Variants in SLC44A2 observed in about 807,000 individuals in gnomAD.
SLC44A2 encodes solute carrier family 44 member 2 (CTL2 blood group), also known as choline transporter-like protein 2.
In SLC44A2, 57 loss-of-function variants were observed where a neutral mutation model predicts 90.8. The ratio of observed to expected loss-of-function variants is 0.63; its 90% confidence interval spans 0.51 to 0.78. SLC44A2 has a LOEUF of 0.78. Among genes scored for constraint, SLC44A2 ranks in the 30% least tolerant of loss-of-function variants. The probability of loss-of-function intolerance (pLI) is 0.00; values close to 1 mark genes in which losing one functional copy is unlikely to be tolerated. For missense variants in SLC44A2, 794 were observed against 919.7 expected, an observed-to-expected ratio of 0.86 and a Z score of 1.77; for synonymous variants, 355 against 360.7, an observed-to-expected ratio of 0.98 and a Z score of 0.18.
At chr19:10,612,991 C>T (rs751279235) in intron 1 of SLC44A2, among the ~76,000 whole-genome samples, 5 of 152,124 alleles carry the variant, frequency 3.3e-5, no homozygotes, top group Admixed American at 1.3e-4. Context: ...TCAGTGTGCC[C>T]GTCGTGAAAT....
chr19:10,632,201 A>G (rs1001584506), intron 10 of SLC44A2, 45 bp downstream of exon 10: 3 of 1,526,098 alleles, frequency 2.0e-6, no homozygotes, highest in South Asian at 1.1e-5. Context: ...GAATCCGCAC[A>G]CTGCCCTGCC....
intron 1 of SLC44A2, among the ~76,000 whole-genome samples, chr19:10,616,445 G>T (rs1487525118): frequency 1.3e-5 from 2 of 151,846 alleles, no homozygotes; most frequent in South Asian, 2.1e-4. Context: ...TTAGAGACGA[G>T]GTCTTGCCTG....
At chr19:10,642,835 C>T in intron 21 of SLC44A2, 4 of 1,508,326 alleles carry the variant, frequency 2.7e-6, no homozygotes, top group African/African-American at 1.4e-5. Flanking sequence ...TCCCTGCCTC[C>T]CTCTTTCCCT....
intron 1 of SLC44A2, among the ~76,000 whole-genome samples, chr19:10,613,678 C>A (rs559816266): frequency 6.6e-6 from 1 of 152,186 alleles, no homozygotes; most frequent in African/African-American, 2.4e-5. Context: ...GAGACCCCGT[C>A]TCTTTAAGAA....
intron 10 of SLC44A2, among the ~76,000 whole-genome samples, chr19:10,634,137 ATTTTTTT>A (rs1177075276): frequency 3.1e-4 from 25 of 80,314 alleles, no homozygotes; most frequent in African/African-American, 4.2e-4. Context: ...CGCCCAGCTA[ATTTTTTT>A]TTTTTTTTTT....
At position 10,614,841 on chromosome 19, in the gene SLC44A2, C is replaced by T. The variant is rs559078578; in HGVS notation, c.32-11412C>T. Among the ~76,000 whole-genome samples the T allele has an allele frequency of 7.8e-4, 118 of 151,478 alleles. 1 individual carries two copies. The highest frequency in any genetic ancestry group is 1.5e-3 in the Non-Finnish European group (101 of 67,860). On this transcript the variant is annotated intron_variant, in intron 1 of 21. Transcript: ENST00000407327. ...CAAAAATTAGCCGGACATGGTGGTGCGTGCCTGTAATCCCAGGTACTTGGG... is the reference window on the plus strand; with the variant it reads ...CAAAAATTAGCCGGACATGGTGGTGTGTGCCTGTAATCCCAGGTACTTGGG...
chr19:10,616,710 C>G (rs1482576796), intron 1 of SLC44A2, among the ~76,000 whole-genome samples: 3 of 151,652 alleles, frequency 2.0e-5, no homozygotes, highest in African/African-American at 7.3e-5. Flanking sequence ...ACTAAAAATA[C>G]AAAAACTAGC....
intron 1 of SLC44A2, among the ~76,000 whole-genome samples, 178 bp downstream of exon 1, chr19:10,625,848 G>T (rs1425075625): frequency 6.6e-6 from 1 of 151,876 alleles, no homozygotes; most frequent in Non-Finnish European, 1.5e-5. Flanking sequence ...CCGCAGCCTC[G>T]CAGACGACCC....
chr19:10,617,338 G>A (rs1350813000), intron 1 of SLC44A2, among the ~76,000 whole-genome samples: 3 of 151,892 alleles, frequency 2.0e-5, no homozygotes, highest in Non-Finnish European at 4.4e-5. Flanking sequence ...CCCTCCCTTC[G>A]TCCCCACCCA....
chr19:10,627,991 G>A lies in SLC44A2; in HGVS notation c.232G>A (p.Gly78Ser). The A allele has an allele frequency of 6.2e-7, 1 of 1,613,310 alleles. No individual in the cohort carries two copies. Among genetic ancestry groups the A allele is most frequent in the Non-Finnish European group, 8.5e-7 (1 of 1,179,648 alleles). The change falls in exon 4 of 22, where the codon GGC becomes AGC. Residue 78 changes from glycine to serine, a missense_variant. Physicochemically the swap from Gly to Ser is moderately conservative, Grantham distance 56. Around this residue, in one of 3 missense-constraint regions of SLC44A2, gnomAD observed 738 missense variants for 841.1 expected, o/e 0.88. Transcript: ENST00000335757. ...CCGGGGCGAGTTCTGCGGGCAGAAG[G>A]GCACAAAAAACGAGTGAGTTGACTC... ...DSRGEFCGQK[G>S]TKNENKPYLF...
intron 1 of SLC44A2, among the ~76,000 whole-genome samples, chr19:10,618,980 T>G (rs1380838014): frequency 8.2e-5 from 12 of 146,920 alleles, no homozygotes; most frequent in Non-Finnish European, 1.4e-4. Context: ...TTTTTTTTTT[T>G]TGGATACAGG....
intron 19 of SLC44A2, 64 bp from the exon 20 acceptor site, chr19:10,638,160 ATCT>A: frequency 1.2e-6 from 2 of 1,612,294 alleles, no homozygotes; most frequent in Non-Finnish European, 8.5e-7. Flanking sequence ...GATGAGTGTC[ATCT>A]TCTTAGGAGG....
At position 10,634,847 on chromosome 19, in the gene SLC44A2, C is replaced by T. The variant is rs114046427; in HGVS notation, c.915C>T (p.Phe305=). 368 of 1,614,138 alleles carry T rather than the reference C, an allele frequency of 2.3e-4. 2 individuals carry two copies. Among genetic ancestry groups the T allele is most frequent in the Middle Eastern group, 2.0e-3 (12 of 6,062 alleles). ...TGGACCTCGGCTTTCAGACGGATTT[C>T]CGGGTGTACCTGCACTTACGGCAGA... ...SLVDLGFQTD[F]RVYLHLRQTW... The change falls in exon 11 of 22, where the codon TTC becomes TTT. Residue 305 remains phenylalanine, a synonymous_variant. Coordinates refer to ENST00000335757, the MANE Select transcript of SLC44A2 (RefSeq NM_020428.4).
intron 1 of SLC44A2, among the ~76,000 whole-genome samples, chr19:10,613,897 C>T (rs1952714191): frequency 1.3e-5 from 2 of 152,016 alleles, no homozygotes; most frequent in South Asian, 4.1e-4. Flanking sequence ...GATTGTAGCC[C>T]AGTGAGATGC....
chr19:10,626,355 G>C lies in SLC44A2; in HGVS notation c.86+54G>C, dbSNP rs201474157. 11 of 1,287,306 alleles carry C rather than the reference G, an allele frequency of 8.5e-6. No homozygotes were observed. The East Asian group carries it at 2.5e-4, about 30-fold the overall frequency. 79.7% of individuals were successfully genotyped at this position (1,287,306 alleles called of 1,614,324 possible). A position where few individuals can be genotyped will look rare whatever the true frequency, so the allele number is the denominator to read the frequency against. ...CCCCGCTAATACTACCCCAATCCCTGTCTCTTCACACCCCCTCCCATCTGT... is the reference window on the plus strand; with the variant it reads ...CCCCGCTAATACTACCCCAATCCCTCTCTCTTCACACCCCCTCCCATCTGT... On this transcript the variant is annotated intron_variant, in intron 2 of 21. Transcript: ENST00000335757.
At chr19:10,604,349 T>G (rs923869736) in intron 1 of SLC44A2, among the ~76,000 whole-genome samples, 1 of 152,218 alleles carries the variant, frequency 6.6e-6, no homozygotes, top group African/African-American at 2.4e-5. Flanking sequence ...CGTAGTTACT[T>G]AATTACATTT....
Position 10,607,732 on chromosome 19 carries a change from TTTATTA to T in SLC44A2, c.31+5186_31+5191del, listed in dbSNP as rs796903085. Among the ~76,000 whole-genome samples, 43 of 145,870 alleles carry T rather than the reference TTTATTA, an allele frequency of 2.9e-4. 1 individual carries two copies. The highest frequency in any genetic ancestry group is 1.2e-3 in the East Asian group (6 of 4,840). On this transcript the variant is annotated intron_variant, in intron 1 of 21. Transcript: ENST00000407327. ...AACACCTCCAAAGCTTCCTCAATCATTTATTATTATTATTATTATTTTTTTTTTTTT... is the reference window on the plus strand; with the variant it reads ...AACACCTCCAAAGCTTCCTCAATCATTTATTATTATTATTTTTTTTTTTTT...
intron 15 of SLC44A2, 33 bp downstream of exon 15, chr19:10,636,618 G>C (rs1282221897): frequency 1.2e-6 from 2 of 1,606,646 alleles, no homozygotes; most frequent in Non-Finnish European, 8.5e-7. Flanking sequence ...ATGGGGTGGA[G>C]GACGAGGCCT....
chr19:10,604,656 C>G (rs959798393), intron 1 of SLC44A2, among the ~76,000 whole-genome samples: 1 of 152,060 alleles, frequency 6.6e-6, no homozygotes, highest in African/African-American at 2.4e-5. Flanking sequence ...TGGGTGAGTC[C>G]GTGACCTCTC....
Sources: gnomAD v4.1 joint callset for allele counts (sites outside exome capture counted in the v4.1 genomes callset) on GRCh38, gnomAD v4.1.1 for gene constraint, gnomAD v4.1.1 regional missense constraint, MANE v1.5 for transcripts, NCBI Gene and HGNC (gene_info 2026-07-23, HGNC 2026-07-21) for gene names.